Variants in RYR1 observed in about 807,000 individuals in gnomAD.
The protein encoded by RYR1 is central core disease of muscle.
A neutral mutation model predicts 583.5 loss-of-function variants in RYR1; 342 were observed. The observed-to-expected ratio is 0.59, with a 90% CI of 0.54 to 0.64. The LOEUF (loss-of-function observed/expected upper bound fraction) is 0.64, where lower values mean the gene tolerates loss of function less well. Ranked by LOEUF, RYR1 falls within the 30% of genes least tolerant of loss-of-function variation. The pLI is 0.00. For synonymous variants in RYR1, 2,791 were observed against 2,822.5 expected, an observed-to-expected ratio of 0.99 and a Z score of 0.35; for missense variants, 6,032 against 6,917.2, an observed-to-expected ratio of 0.87 and a Z score of 4.54.
In RYR1 at chr19:38,519,395, G is replaced by T. The variant is rs1971120671; in HGVS notation, c.10200G>T (p.Val3400=). 2 of 1,604,314 alleles carry T rather than the reference G, an allele frequency of 1.2e-6. No individual in the cohort carries two copies. Among genetic ancestry groups the T allele is most frequent in the Non-Finnish European group, 1.7e-6 (2 of 1,175,946 alleles). Residue 3400 remains valine, a synonymous_variant, in exon 67 of 106, where the codon GTG becomes GTT. Coordinates refer to ENST00000359596, the MANE Select transcript of RYR1 (RefSeq NM_000540.3). The part of the protein sequence containing the change: ...GELLVRDEFS[V]LCRDLYALYP... ...TGCTGGTGCGGGACGAGTTCTCTGT[G>T]CTCTGCCGGGACCTCTACGCCCTGT...
chr19:38,473,634 G>T lies in RYR1; in HGVS notation c.4023G>T (p.Trp1341Cys). Residue 1341 changes from tryptophan to cysteine, a missense_variant, in exon 28 of 106, where the codon TGG (tryptophan) becomes TGT (cysteine). Physicochemically the swap from Trp to Cys is radical, Grantham distance 215. This residue lies in a region of RYR1 where 2,627 missense variants were observed against 2,961.3 expected (regional missense o/e 0.89). Coordinates refer to ENST00000359596, the MANE Select transcript of RYR1 (RefSeq NM_000540.3). ...ACCTGCGCCGCTCAGCTGGGGGCTG[G>T]AGCGAGGCAGAGAACGGCAAAGAAG... ...YENLRRSAGG[W>C]SEAENGKEGT... 2 of 1,560,638 alleles carry T rather than the reference G, an allele frequency of 1.3e-6. No homozygotes were observed. Among genetic ancestry groups the T allele is most frequent in the East Asian group, 2.4e-5 (1 of 41,996 alleles).
rs1192218827 is a variant in RYR1, at chr19:38,565,622, G to C, written c.13288G>C (p.Gly4430Arg). 2.1e-6 allele frequency: 3 copies of C among 1,411,490 alleles called. No individual in the cohort carries two copies. Among genetic ancestry groups the C allele is most frequent in the Non-Finnish European group, 2.7e-6 (3 of 1,093,146 alleles). 87.4% of individuals were successfully genotyped at this position (1,411,490 alleles called of 1,614,324 possible). ...CGAGGAGGAGGCGGTGCACGAGGCC[G>C]GGCCGGGCGGTGCCGACGGGGCGGT... ...GDEEEAVHEA[G>R]PGGADGAVAV... Residue 4430 changes from glycine to arginine, a missense_variant, in exon 91 of 106, where the codon GGG (glycine) becomes CGG (arginine). By Grantham distance (125) the Gly-to-Arg change is moderately radical (BLOSUM62 -2). Coordinates refer to ENST00000359596, the MANE Select transcript of RYR1 (RefSeq NM_000540.3). The surrounding 1 kb of genome is among the most constrained non-coding windows in gnomAD (Gnocchi z 4.7).
In RYR1 at chr19:38,455,745, C is replaced by T; in HGVS notation, c.1785C>T (p.Asn595=). ...CCCTCCTGGACAAGCATGGGAGGAA[C>T]CACAAGGTCGGCCCCTCACCCCTGA... The part of the protein sequence containing the change: ...IISLLDKHGR[N]HKVLDVLCSL... The change falls in exon 16 of 106, where the codon AAC becomes AAT. Residue 595 remains asparagine, a synonymous_variant. Coordinates refer to ENST00000359596, the MANE Select transcript of RYR1 (RefSeq NM_000540.3). The T allele has an allele frequency of 6.2e-7, 1 of 1,602,340 alleles. No individual in the cohort carries two copies. The highest frequency in any genetic ancestry group is 2.2e-5 in the East Asian group (1 of 44,808).
chr19:38,478,941 T>C (rs757850778), intron 31 of RYR1, among the ~76,000 whole-genome samples: 1 of 152,312 alleles, frequency 6.6e-6, no homozygotes, highest in South Asian at 2.1e-4. Flanking sequence ...CTAAGTTTTA[T>C]GTTTTTAGTA....
intron 13 of RYR1, among the ~76,000 whole-genome samples, chr19:38,454,462 G>A (rs1967257697): frequency 2.6e-5 from 4 of 152,202 alleles, no homozygotes; most frequent in Admixed American, 1.3e-4. Flanking sequence ...ATATGTGTTA[G>A]ATAAGCTTAA....
chr19:38,529,541 C>T lies in RYR1; in HGVS notation c.11141+484C>T, dbSNP rs1429914706. Among the ~76,000 whole-genome samples, 6 of 152,306 alleles carry T rather than the reference C, an allele frequency of 3.9e-5. No homozygotes were observed. In the East Asian group the frequency reaches 7.7e-4, roughly 20 times the overall value. On this transcript the variant is annotated intron_variant, in intron 76 of 105. Coordinates refer to ENST00000359596, the MANE Select transcript of RYR1 (RefSeq NM_000540.3). ...TAGGACAGGCACAGCCAACATACAC[C>T]GTTGCATGGCTGAACACTTCACAAG...
In RYR1 at chr19:38,532,282, C is replaced by T. The variant is rs143311939; in HGVS notation, c.11142-208C>T. On this transcript the variant is annotated intron_variant, in intron 76 of 105. Coordinates refer to ENST00000359596, the MANE Select transcript of RYR1 (RefSeq NM_000540.3). Reference sequence around the variant, plus strand: ...GATTACAGGCAAGCACCATCACACCCGGCTAATTTTTTGTACTTTTAGTAG... The same window carrying T: ...GATTACAGGCAAGCACCATCACACCTGGCTAATTTTTTGTACTTTTAGTAG... Among the ~76,000 whole-genome samples, 24 of 152,194 alleles carry T rather than the reference C, an allele frequency of 1.6e-4. 1 individual carries two copies. In the East Asian group the frequency reaches 3.7e-3, roughly 23 times the overall value.
In RYR1 at chr19:38,473,455, C is replaced by A; in HGVS notation, c.3844C>A (p.Leu1282Met). 6.2e-7 allele frequency: 1 copy of A among 1,613,972 alleles called. No individual in the cohort carries two copies. Among genetic ancestry groups the A allele is most frequent in the Non-Finnish European group, 8.5e-7 (1 of 1,179,968 alleles). ...THRTWGSQNSLVEMLFLRLSL... is the reference protein window; with the variant it reads ...THRTWGSQNSMVEMLFLRLSL... ...CCGCACCTGGGGCTCCCAGAACAGC[C>A]TGGTGGAGATGCTTTTCCTGCGGCT... Residue 1282 changes from leucine to methionine, a missense_variant, in exon 28 of 106, where the codon CTG (leucine) becomes ATG (methionine). Leu to Met is a conservative substitution (Grantham distance 15, BLOSUM62 2). Coordinates refer to ENST00000359596, the MANE Select transcript of RYR1 (RefSeq NM_000540.3).
chr19:38,506,516 C>T lies in RYR1; in HGVS notation c.8662C>T (p.Arg2888Trp), dbSNP rs1234488220. Residue 2888 changes from arginine (R) to tryptophan (W), a missense_variant, in exon 56 of 106, where the codon CGG (arginine) becomes TGG (tryptophan). Coordinates refer to ENST00000359596, the MANE Select transcript of RYR1 (RefSeq NM_000540.3). ...AGAAAATTACCACAACACGTGGGGA[C>T]GGAAGAAGAAGCAGGAGCTGGAAGC... is the stretch of plus-strand genomic sequence containing the variant. ...LAENYHNTWG[R>W]KKKQELEAKG... 3 of 1,614,042 alleles carry T rather than the reference C, an allele frequency of 1.9e-6. No individual in the cohort carries two copies. Among genetic ancestry groups the T allele is most frequent in the Admixed American group, 1.7e-5 (1 of 60,014 alleles).
chr19:38,470,678 G>T (rs2145470625), intron 27 of RYR1, among the ~76,000 whole-genome samples: 1 of 152,296 alleles, frequency 6.6e-6, no homozygotes, highest in South Asian at 2.1e-4. Flanking sequence ...AGGAGGTGGA[G>T]GTTGCAGTAA....
intron 23 of RYR1, 103 bp from the exon 24 acceptor site, chr19:38,465,988 C>A: frequency 1.8e-6 from 2 of 1,129,004 alleles, no homozygotes; most frequent in Non-Finnish European, 2.6e-6. Flanking sequence ...AGGTCAGAAA[C>A]GCCGAAGCTG....
At chr19:38,560,583 G>T (rs1973080095) in intron 89 of RYR1, among the ~76,000 whole-genome samples, 1 of 149,802 alleles carries the variant, frequency 6.7e-6, no homozygotes, top group Non-Finnish European at 1.5e-5. Context: ...CAAAAAATTA[G>T]CCAGGTGTGG....
intron 28 of RYR1, 76 bp from the exon 29 acceptor site, chr19:38,475,242 G>A: frequency 6.5e-7 from 1 of 1,542,226 alleles, no homozygotes; most frequent in African/African-American, 1.4e-5. Flanking sequence ...CAAGCTGGAT[G>A]TGGGGGCATG....
chr19:38,532,390 T>C, intron 76 of RYR1, 100 bp from the exon 77 acceptor site: 1 of 1,180,410 alleles, frequency 8.5e-7, no homozygotes, highest in South Asian at 1.2e-5. Context: ...CCCAGAGTGT[T>C]GGGATTACAG....
In RYR1 at chr19:38,485,651, C is replaced by T; in HGVS notation, c.4996C>T (p.Leu1666=). Residue 1666 remains leucine, a synonymous_variant, in exon 34 of 106, where the codon CTG becomes TTG. Transcript: ENST00000359596. ...LDLQRFHSHT[L]RLYRAVCALG... ...CCTGCAGCGCTTCCACTCGCACACC[C>T]TGCGCCTCTACCGCGCTGTGTGCGC... 1 of 1,610,802 alleles carries T rather than the reference C, an allele frequency of 6.2e-7. No homozygotes were observed. The highest frequency in any genetic ancestry group is 1.1e-5 in the South Asian group (1 of 91,076).
chr19:38,496,560 A>AG lies in RYR1; in HGVS notation c.6796+23dup, dbSNP rs1568496727. 2 of 1,612,936 alleles carry AG rather than the reference A, an allele frequency of 1.2e-6. No individual in the cohort carries two copies. Among genetic ancestry groups the AG allele is most frequent in the Non-Finnish European group, 1.7e-6 (2 of 1,179,988 alleles). ...GGCCTGGGTGAGAACCCCCGAGCCC[A>AG]GGGGCTGTCCCCCAGAACCCACTCC... On this transcript the variant is annotated intron_variant, in intron 41 of 105. Coordinates refer to ENST00000359596, the MANE Select transcript of RYR1 (RefSeq NM_000540.3). The surrounding 1 kb of genome is among the most constrained non-coding windows in gnomAD (Gnocchi z 4.8).
chr19:38,523,829 G>A, intron 69 of RYR1, 86 bp from the exon 70 acceptor site: 2 of 1,570,432 alleles, frequency 1.3e-6, no homozygotes, highest in Non-Finnish European at 1.8e-6. Flanking sequence ...GAGGAGGTGG[G>A]GTGCTGGCAA....
At chr19:38,493,084 A>G (rs1969631247) in intron 38 of RYR1, among the ~76,000 whole-genome samples, 2 of 151,802 alleles carry the variant, frequency 1.3e-5, no homozygotes, top group African/African-American at 2.4e-5. Context: ...AAAAACAAAA[A>G]CAAAGATGCA....
In RYR1 at chr19:38,458,136, A is replaced by G; in HGVS notation, c.2011A>G (p.Thr671Ala). The change falls in exon 18 of 106, where the codon ACT (threonine) becomes GCT (alanine). Residue 671 changes from threonine to alanine, a missense_variant. This residue lies in a region of RYR1 where 2,627 missense variants were observed against 2,961.3 expected (regional missense o/e 0.89). Transcript: ENST00000359596. ...WYFEVMVDEV[T>A]PFLTAQATHL... Reference sequence around the variant, plus strand: ...CTTTGAGGTGATGGTGGACGAGGTGACTCCATTTCTGACAGCTCAGGCCAC... The same window carrying G: ...CTTTGAGGTGATGGTGGACGAGGTGGCTCCATTTCTGACAGCTCAGGCCAC... 1 of 1,613,488 alleles carries G rather than the reference A, an allele frequency of 6.2e-7. No homozygotes were observed. Among genetic ancestry groups the G allele is most frequent in the Non-Finnish European group, 8.5e-7 (1 of 1,179,892 alleles).
Sources: allele counts gnomAD v4.1 joint callset (sites outside exome capture counted in the v4.1 genomes callset), GRCh38; gene constraint gnomAD v4.1.1; regional missense constraint gnomAD v4.1.1; non-coding constraint Gnocchi (gnomAD v3.1); transcripts MANE v1.5; gene names NCBI Gene and HGNC (gene_info 2026-07-23, HGNC 2026-07-21).